The following FOXJ3 variants were observed in gnomAD, a reference collection of about 807,000 sequenced individuals.
The protein encoded by FOXJ3 is forkhead box protein J3.
Under a neutral mutation model 76.1 loss-of-function variants are expected in FOXJ3, and 22 were observed. The observed-to-expected ratio is 0.29, with a 90% confidence interval of 0.21 to 0.41. The LOEUF (loss-of-function observed/expected upper bound fraction) is 0.41, where lower values mean the gene tolerates loss of function less well. Among genes scored for constraint, FOXJ3 ranks in the 10% least tolerant of loss-of-function variants. The probability of loss-of-function intolerance (pLI) is 1.00; values close to 1 mark genes in which losing one functional copy is unlikely to be tolerated. For synonymous variants in FOXJ3, 269 were observed against 261.2 expected, an observed-to-expected ratio of 1.03 and a Z score of -0.29; for missense variants, 613 against 762.1, an observed-to-expected ratio of 0.80 and a Z score of 2.30.
At chr1:42,237,457 C>A (rs1054040377) in intron 4 of FOXJ3, among the ~76,000 whole-genome samples, 1 of 143,952 alleles carries the variant, frequency 6.9e-6, no homozygotes, top group Admixed American at 6.9e-5. Context: ...TATACACATA[C>A]ATACATATAC....
At chr1:42,223,290 CAATGGGT>C (rs1647297240) in intron 5 of FOXJ3, among the ~76,000 whole-genome samples, 1 of 152,166 alleles carries the variant, frequency 6.6e-6, no homozygotes, top group Admixed American at 6.5e-5. Context: ...CTTCCTCTTG[CAATGGGT>C]TATGTGAAGA....
intron 1 of FOXJ3, among the ~76,000 whole-genome samples, chr1:42,324,111 C>CACAGTGTATAT (rs1557725951): frequency 3.6e-5 from 1 of 27,510 alleles, no homozygotes; most frequent in South Asian, 1.2e-3. Context: ...TGTGTATATA[C>CACAGTGTATAT]ACTGTATATA....
At chr1:42,298,524 T>C (rs962869042) in intron 2 of FOXJ3, among the ~76,000 whole-genome samples, 1 of 152,214 alleles carries the variant, frequency 6.6e-6, no homozygotes, top group Admixed American at 6.5e-5. Flanking sequence ...ATGCTGTCTT[T>C]ATCATTTCTG....
chr1:42,197,087 A>G (rs1646665668), intron 7 of FOXJ3, among the ~76,000 whole-genome samples: 2 of 152,184 alleles, frequency 1.3e-5, no homozygotes, highest in Non-Finnish European at 1.5e-5. Context: ...ATATCAAGGA[A>G]CGTCTTTCTC....
At chr1:42,325,972 A>C (rs1171155348) in intron 1 of FOXJ3, among the ~76,000 whole-genome samples, 2 of 152,226 alleles carry the variant, frequency 1.3e-5, no homozygotes, top group Non-Finnish European at 2.9e-5. Flanking sequence ...CAAAAGTCCC[A>C]AAATCAGGCT....
At chr1:42,200,627 C>T (rs762707318) in intron 6 of FOXJ3, among the ~76,000 whole-genome samples, 7 of 152,160 alleles carry the variant, frequency 4.6e-5, no homozygotes, top group Admixed American at 1.3e-4. Context: ...TACAGATGCG[C>T]GCCACCATAC....
At chr1:42,182,576 C>A (rs556998336) in intron 11 of FOXJ3, among the ~76,000 whole-genome samples, 1 of 152,308 alleles carries the variant, frequency 6.6e-6, no homozygotes, top group South Asian at 2.1e-4. Context: ...CGGCTCACTG[C>A]AACTTCTGCC....
At chr1:42,328,909 C>T (rs1312507809) in intron 1 of FOXJ3, among the ~76,000 whole-genome samples, 1 of 151,876 alleles carries the variant, frequency 6.6e-6, no homozygotes, top group Admixed American at 6.6e-5. Context: ...TCAAGTGATC[C>T]GCCTGCCTCG....
intron 12 of FOXJ3, among the ~76,000 whole-genome samples, chr1:42,181,700 CCTT>C (rs1646322145): frequency 6.6e-6 from 1 of 152,236 alleles, no homozygotes; most frequent in African/African-American, 2.4e-5. Context: ...GGAGTTCACT[CCTT>C]GAGGCAGCCT....
chr1:42,230,586 T>C (rs1648000850), intron 4 of FOXJ3, among the ~76,000 whole-genome samples: 1 of 152,232 alleles, frequency 6.6e-6, no homozygotes, highest in Non-Finnish European at 1.5e-5. Context: ...AAACGTTGAC[T>C]GTAATCCATC....
intron 3 of FOXJ3, among the ~76,000 whole-genome samples, chr1:42,272,105 C>T (rs1261145917): frequency 1.3e-5 from 2 of 152,218 alleles, no homozygotes; most frequent in Admixed American, 1.3e-4. Flanking sequence ...TCCTTTTAAG[C>T]AACAGGGGCA....
At chr1:42,300,084 CA>C (rs1654040140) in intron 2 of FOXJ3, among the ~76,000 whole-genome samples, 1 of 152,096 alleles carries the variant, frequency 6.6e-6, no homozygotes, top group Non-Finnish European at 1.5e-5. Flanking sequence ...CCTGTAGTCC[CA>C]GCCACTAGGG....
chr1:42,281,473 T>TA (rs1264704935), intron 2 of FOXJ3, among the ~76,000 whole-genome samples: 3 of 152,050 alleles, frequency 2.0e-5, no homozygotes, highest in Non-Finnish European at 4.4e-5. Flanking sequence ...AAAAGGACCC[T>TA]AGTCTTCAAA....
intron 4 of FOXJ3, among the ~76,000 whole-genome samples, chr1:42,239,539 A>T (rs1385687482): frequency 6.6e-6 from 1 of 152,146 alleles, no homozygotes; most frequent in East Asian, 1.9e-4. Flanking sequence ...AGGTATATGT[A>T]CCAAAATGGA....
chr1:42,206,411 C>T (rs1222811353), intron 5 of FOXJ3, among the ~76,000 whole-genome samples: 1 of 152,080 alleles, frequency 6.6e-6, no homozygotes, highest in Admixed American at 6.5e-5. Flanking sequence ...TCTTGCTTAA[C>T]CATAAATAGC....
At chr1:42,280,820 C>T (rs751815611) in intron 2 of FOXJ3, among the ~76,000 whole-genome samples, 7 of 152,128 alleles carry the variant, frequency 4.6e-5, no homozygotes, top group Non-Finnish European at 1.0e-4. Context: ...AATAAGTATT[C>T]AACAAATGTT....
rs947588978 is a variant in FOXJ3 at position 42,178,076 on chromosome 1, T to A, written c.*1634A>T. The A allele has an allele frequency of 1.3e-5, 2 of 151,936 alleles. No individual in the cohort carries two copies. Among genetic ancestry groups the A allele is most frequent in the South Asian group, 2.1e-4 (1 of 4,784 alleles). The allele number at this position is 151,936 out of a possible 1,614,324, so 9.4% of individuals were successfully genotyped here. A position where few individuals can be genotyped will look rare whatever the true frequency, so the allele number is the denominator to read the frequency against. On this transcript the variant is annotated 3_prime_UTR_variant, in exon 13 of 13. Coordinates refer to ENST00000361346, the MANE Select transcript of FOXJ3 (RefSeq NM_014947.5). ...TCATAAAACTAAGATAATCAGTCCA[T>A]GCAAACTGTGATATGATATGAAACA...
chr1:42,315,454 A>C (rs1470876355), intron 1 of FOXJ3: 1 of 972,598 alleles, frequency 1.0e-6, no homozygotes, highest in African/African-American at 1.8e-5. Context: ...TCTCATACTA[A>C]ACTGTCCAAA....
At position 42,194,996 on chromosome 1, in the gene FOXJ3, T is replaced by G. The variant is rs753306415; in HGVS notation, c.828A>C (p.Pro276=). Residue 276 remains proline, a synonymous_variant, in exon 8 of 13, where the codon CCA becomes CCC. Coordinates refer to ENST00000361346, the MANE Select transcript of FOXJ3 (RefSeq NM_014947.5). ...TPQQQPQYNL[P]ERDKQLLFSE... is the part of the protein sequence containing the mutation. The stretch of plus-strand genomic sequence containing the variant: ...AGAAAAGTAGTTGCTTGTCTCTTTC[T>G]GGAAGGTTGTACTGTGGTTGCTGCT... 3 of 1,613,636 alleles carry G rather than the reference T, an allele frequency of 1.9e-6. No individual in the cohort carries two copies. Among genetic ancestry groups the G allele is most frequent in the Non-Finnish European group, 2.5e-6 (3 of 1,179,674 alleles).
Sources: gnomAD v4.1 joint callset for allele counts (sites outside exome capture counted in the v4.1 genomes callset) on GRCh38, gnomAD v4.1.1 for gene constraint, MANE v1.5 for transcripts, NCBI Gene and HGNC (gene_info 2026-07-23, HGNC 2026-07-21) for gene names.